Variants in KCNU1 observed in about 807,000 individuals in gnomAD.
KCNU1 encodes the protein potassium channel subfamily U member 1.
Under a neutral mutation model 126.8 loss-of-function variants are expected in KCNU1, and 93 were observed. That is an observed-to-expected ratio of 0.73 (90% CI 0.62 to 0.87). KCNU1 has a LOEUF of 0.87. Ranked by LOEUF, KCNU1 falls within the 40% of genes least tolerant of loss-of-function variation. The pLI is 0.00. For synonymous variants in KCNU1, 523 were observed against 494.2 expected (o/e 1.06, Z -0.77); for missense variants, 1,330 against 1,367.1 (o/e 0.97, Z 0.43).
chr8:36,808,588 A>G (rs1803592973), intron 6 of KCNU1, 130 bp from the exon 7 acceptor site: 13 of 636,522 alleles, frequency 2.0e-5, no homozygotes, highest in Non-Finnish European at 3.7e-5. Context: ...CATTTCGAAT[A>G]TGTTTTCGGG....
At chr8:36,930,899 G>C (rs904244872) in intron 24 of KCNU1, 52 bp from the exon 25 acceptor site, 2 of 1,366,490 alleles carry the variant, frequency 1.5e-6, no homozygotes, top group African/African-American at 2.9e-5. Context: ...CCCCTCCACA[G>C]TTCACATATT....
intron 10 of KCNU1, among the ~76,000 whole-genome samples, chr8:36,831,190 G>A (rs1410240211): frequency 2.0e-5 from 3 of 151,732 alleles, no homozygotes; most frequent in Admixed American, 6.6e-5. Context: ...CCAAGTCTTT[G>A]CTATTGTGAA....
chr8:36,799,465 G>A (rs779084755), intron 2 of KCNU1, among the ~76,000 whole-genome samples: 3 of 150,420 alleles, frequency 2.0e-5, no homozygotes, highest in African/African-American at 7.3e-5. Flanking sequence ...GGGAGGGGGG[G>A]CAGGGTAGAA....
In KCNU1 at chr8:36,864,452, G is replaced by A. The variant is rs756080668; in HGVS notation, c.1940G>A (p.Arg647His). 21 of 1,612,796 alleles carry A rather than the reference G, an allele frequency of 1.3e-5. No individual in the cohort carries two copies. Among genetic ancestry groups the A allele is most frequent in the Middle Eastern group, 1.6e-4 (1 of 6,076 alleles). ...MKKCLKGISS[R>H]ISGQDSPPRV... ...AAATGTCTGAAGGGAATCTCCTCTC[G>A]TATATCAGGGCAGGATTCTCCGCCA... The change falls in exon 19 of 27, where the codon CGT becomes CAT. Residue 647 changes from arginine (R) to histidine (H), a missense_variant. By Grantham distance (29) the Arg-to-His change is conservative. This residue lies in a region of KCNU1 where 1,054 missense variants were observed against 1,053.9 expected (regional missense o/e 1.00). Transcript: ENST00000399881.
chr8:36,922,130 C>T (rs1270255000), intron 23 of KCNU1, among the ~76,000 whole-genome samples: 4 of 151,938 alleles, frequency 2.6e-5, no homozygotes, highest in Non-Finnish European at 5.9e-5. Flanking sequence ...CCTATTTATT[C>T]CTATGATTCC....
chr8:36,870,533 C>T (rs1178870249), intron 19 of KCNU1, among the ~76,000 whole-genome samples: 2 of 152,154 alleles, frequency 1.3e-5, no homozygotes, highest in African/African-American at 4.8e-5. Flanking sequence ...TGAACTCCTA[C>T]TGAGAGCCAG....
intron 10 of KCNU1, among the ~76,000 whole-genome samples, chr8:36,827,022 A>C (rs1804351008): frequency 6.6e-6 from 1 of 152,116 alleles, no homozygotes; most frequent in South Asian, 2.1e-4. Flanking sequence ...TGTTACATAC[A>C]CTGTCTTGTT....
At position 36,860,911 on chromosome 8, in the gene KCNU1, CT is replaced by C. The variant is rs369702690; in HGVS notation, c.1892-3479del. Among the ~76,000 whole-genome samples, 853 of 139,998 alleles carry C rather than the reference CT, an allele frequency of 6.1e-3. 5 individuals carry two copies. The highest frequency in any genetic ancestry group is 0.029 in the Middle Eastern group (8 of 276). 91.8% of individuals were successfully genotyped at this position (139,998 alleles called of 152,430 possible). A position where few individuals can be genotyped will look rare whatever the true frequency, so the allele number is the denominator to read the frequency against. On this transcript the variant is annotated intron_variant, in intron 18 of 26. Coordinates refer to ENST00000399881, the MANE Select transcript of KCNU1 (RefSeq NM_001031836.3). ...TTTCTTTAGGTTTGGCCCTGGGTCA[CT>C]TTTTTTTTTTTTTATAAACATTCCA...
At chr8:36,839,573 C>T (rs1804875328) in intron 14 of KCNU1, among the ~76,000 whole-genome samples, 4 of 152,280 alleles carry the variant, frequency 2.6e-5, no homozygotes, top group South Asian at 4.1e-4. Flanking sequence ...TGTCCTTTTT[C>T]GTAGGGCAGA....
intron 18 of KCNU1, among the ~76,000 whole-genome samples, chr8:36,848,551 G>A (rs1238652403): frequency 6.7e-6 from 1 of 149,720 alleles, no homozygotes; most frequent in Non-Finnish European, 1.5e-5. Flanking sequence ...ATTCCACTTG[G>A]TGTGTTTGTG....
chr8:36,840,108 A>G (rs1174261097), intron 14 of KCNU1, among the ~76,000 whole-genome samples: 1 of 152,208 alleles, frequency 6.6e-6, no homozygotes, highest in Non-Finnish European at 1.5e-5. Context: ...ATCCAGAGAG[A>G]GATAATTTAG....
chr8:36,822,671 T>C lies in KCNU1; in HGVS notation c.1106+4911T>C, dbSNP rs912801372. On this transcript the variant is annotated intron_variant, in intron 10 of 26. Coordinates refer to ENST00000399881, the MANE Select transcript of KCNU1 (RefSeq NM_001031836.3). ...TATTTCCATAAGTCAGACTGCTTAG[T>C]TGCATGCAAGAAAAACTATGACTAA... 4.6e-5 allele frequency among the ~76,000 whole-genome samples: 7 copies of C among 152,182 alleles called. No individual in the cohort carries two copies. The South Asian group carries it at 1.2e-3, about 27-fold the overall frequency.
At chr8:36,918,657 G>A (rs1194591015) in intron 22 of KCNU1, among the ~76,000 whole-genome samples, 166 bp from the exon 23 acceptor site, 1 of 152,028 alleles carries the variant, frequency 6.6e-6, no homozygotes, top group Non-Finnish European at 1.5e-5. Flanking sequence ...ATGCTGAGGA[G>A]ACCCACATAA....
Position 36,933,127 on chromosome 8 carries a change from G to A in KCNU1, c.3044+95G>A, listed in dbSNP as rs553945953. Reference sequence around the variant, plus strand: ...GTGAAAGAGAATTCCAGAGCTCAGGGTCCACAGTTGCAAGGAAGGGTGCAT... The same window carrying A: ...GTGAAAGAGAATTCCAGAGCTCAGGATCCACAGTTGCAAGGAAGGGTGCAT... On this transcript the variant is annotated intron_variant, in intron 26 of 26. Coordinates refer to ENST00000399881, the MANE Select transcript of KCNU1 (RefSeq NM_001031836.3). 8.7e-5 allele frequency: 66 copies of A among 762,166 alleles called. 2 individuals carry two copies. The highest frequency in any genetic ancestry group is 6.8e-4 in the South Asian group (41 of 60,354). The allele number at this position is 762,166 out of a possible 1,614,324, so 47.2% of individuals were successfully genotyped here.
At chr8:36,837,731 T>C (rs1804804023) in intron 14 of KCNU1, among the ~76,000 whole-genome samples, 1 of 152,244 alleles carries the variant, frequency 6.6e-6, no homozygotes, top group Non-Finnish European at 1.5e-5. Flanking sequence ...AAAGGTGGTC[T>C]TCCAAATATC....
intron 18 of KCNU1, among the ~76,000 whole-genome samples, chr8:36,846,350 A>C (rs1386133048): frequency 6.6e-6 from 1 of 152,340 alleles, no homozygotes; most frequent in East Asian, 1.9e-4. Flanking sequence ...GATAGCAAGA[A>C]GTTTAAAGTT....
intron 26 of KCNU1, 59 bp downstream of exon 26, chr8:36,933,091 C>T: frequency 1.9e-6 from 2 of 1,055,228 alleles, no homozygotes; most frequent in Non-Finnish European, 2.9e-6. Context: ...ACCAAAGCTA[C>T]TTTATTCAAT....
At chr8:36,865,518 T>C (rs1805874330) in intron 19 of KCNU1, among the ~76,000 whole-genome samples, 1 of 151,466 alleles carries the variant, frequency 6.6e-6, no homozygotes, top group Non-Finnish European at 1.5e-5. Context: ...ATAATCCCAG[T>C]GCTTTAGGAG....
chr8:36,803,662 T>A (rs1803392558), intron 2 of KCNU1, among the ~76,000 whole-genome samples: 1 of 152,172 alleles, frequency 6.6e-6, no homozygotes, highest in Non-Finnish European at 1.5e-5. Flanking sequence ...TAAAGCCTAT[T>A]AAGCACTTAA....
Sources: gnomAD v4.1 joint callset for allele counts (sites outside exome capture counted in the v4.1 genomes callset) on GRCh38, gnomAD v4.1.1 for gene constraint, gnomAD v4.1.1 regional missense constraint, MANE v1.5 for transcripts, NCBI Gene and HGNC (gene_info 2026-07-23, HGNC 2026-07-21) for gene names.